Variants in PARD3B observed in about 807,000 individuals in gnomAD.
The protein encoded by PARD3B is par-3 family cell polarity regulator beta.
Under a neutral mutation model 130.2 loss-of-function variants are expected in PARD3B, and 103 were observed. The observed-to-expected ratio is 0.79, with a 90% CI of 0.67 to 0.93. PARD3B has a LOEUF of 0.93. Among genes scored for constraint, PARD3B ranks in the 40% least tolerant of loss-of-function variants. PARD3B has a pLI of 0.00. For synonymous variants in PARD3B, 583 were observed against 553.2 expected (o/e 1.05, Z -0.76); for missense variants, 1,609 against 1,499.2 (o/e 1.07, Z -1.21).
chr2:205,043,645 G>A (rs1698541218), intron 3 of PARD3B, among the ~76,000 whole-genome samples: 1 of 152,050 alleles, frequency 6.6e-6, no homozygotes, highest in Non-Finnish European at 1.5e-5. Context: ...TATGAAACTG[G>A]ATAGAGTTGT....
chr2:205,205,435 AT>A (rs1413231513), intron 15 of PARD3B, among the ~76,000 whole-genome samples: 1 of 151,998 alleles, frequency 6.6e-6, no homozygotes, highest in Non-Finnish European at 1.5e-5. Context: ...AATACCCTTT[AT>A]TTTTTTCTCT....
At chr2:205,399,057 T>G (rs1431977902) in intron 18 of PARD3B, among the ~76,000 whole-genome samples, 1 of 151,978 alleles carries the variant, frequency 6.6e-6, no homozygotes, top group Non-Finnish European at 1.5e-5. Context: ...TCAGCTGAGT[T>G]CAGGAGTTCA....
In PARD3B at chr2:204,636,453, A is replaced by AGTGTGTGTGT. The variant is rs10596741; in HGVS notation, c.121-49700_121-49691dup. On this transcript the variant is annotated intron_variant, in intron 1 of 22. Transcript: ENST00000406610. ...GAGCTAAGACTTTAGAGGTCAGGTG[A>AGTGTGTGTGT]GTGTGTGTGTGTGTGTGTGTGTGTG... 3.0e-3 allele frequency among the ~76,000 whole-genome samples: 420 copies of AGTGTGTGTGT among 139,480 alleles called. 3 individuals carry two copies. Among genetic ancestry groups the AGTGTGTGTGT allele is most frequent in the African/African-American group, 8.2e-3 (308 of 37,542 alleles). 91.5% of individuals were successfully genotyped at this position (139,480 alleles called of 152,430 possible).
At chr2:205,402,300 G>A (rs748701490) in intron 19 of PARD3B, among the ~76,000 whole-genome samples, 10 of 152,166 alleles carry the variant, frequency 6.6e-5, no homozygotes, top group Admixed American at 2.6e-4. Context: ...GATATTCTCC[G>A]TCATAACCTA....
intron 22 of PARD3B, among the ~76,000 whole-genome samples, chr2:205,598,655 C>G (rs908610392): frequency 6.6e-6 from 1 of 152,208 alleles, no homozygotes; most frequent in African/African-American, 2.4e-5. Flanking sequence ...CCAACAACCA[C>G]AGAATATGCA....
chr2:205,285,827 T>C (rs2041374656), intron 16 of PARD3B, among the ~76,000 whole-genome samples: 1 of 152,198 alleles, frequency 6.6e-6, no homozygotes, highest in Non-Finnish European at 1.5e-5. Flanking sequence ...TTCATGTAGA[T>C]TGCTTGTTCC....
intron 22 of PARD3B, among the ~76,000 whole-genome samples, chr2:205,588,381 C>G (rs1049664661): frequency 6.6e-6 from 1 of 152,198 alleles, no homozygotes; most frequent in Non-Finnish European, 1.5e-5. Flanking sequence ...ATTCTTTCCA[C>G]AGCACACTTT....
At chr2:205,476,303 A>AT (rs1489616235) in intron 20 of PARD3B, among the ~76,000 whole-genome samples, 1 of 152,070 alleles carries the variant, frequency 6.6e-6, no homozygotes, top group Non-Finnish European at 1.5e-5. Context: ...TTAATTTAAC[A>AT]TTTTTTCTAA....
chr2:205,133,486 C>T (rs1212884625), intron 10 of PARD3B, among the ~76,000 whole-genome samples: 1 of 152,072 alleles, frequency 6.6e-6, no homozygotes, highest in African/African-American at 2.4e-5. Flanking sequence ...TTGTAACAAG[C>T]CTTCCAGATA....
rs145587795 is a variant in PARD3B, at chr2:205,406,051, A to G, written c.2741+4928A>G. Among the ~76,000 whole-genome samples the G allele has an allele frequency of 2.5e-3, 377 of 152,304 alleles. 1 individual carries two copies. The highest frequency in any genetic ancestry group is 3.8e-3 in the Non-Finnish European group (259 of 68,026). On this transcript the variant is annotated intron_variant, in intron 19 of 22. Transcript: ENST00000406610. ...CTGGAATATCCCGTGCCTCTCTCTC[A>G]CACAGAGCATGCGGGTACTAAATCC... is the stretch of plus-strand genomic sequence containing the variant.
intron 15 of PARD3B, among the ~76,000 whole-genome samples, chr2:205,219,321 G>C (rs906861136): frequency 6.6e-6 from 1 of 152,200 alleles, no homozygotes; most frequent in Non-Finnish European, 1.5e-5. Context: ...GAGTTCACTA[G>C]AGTGTGTGAA....
chr2:205,557,661 G>T (rs576782368), intron 22 of PARD3B, among the ~76,000 whole-genome samples: 2 of 152,264 alleles, frequency 1.3e-5, no homozygotes, highest in African/African-American at 4.8e-5. Context: ...AATAGTGCCG[G>T]TATGAGTATT....
At chr2:204,871,197 G>C (rs896392893) in intron 2 of PARD3B, among the ~76,000 whole-genome samples, 1 of 151,972 alleles carries the variant, frequency 6.6e-6, no homozygotes, top group African/African-American at 2.4e-5. Flanking sequence ...GCATATTTTT[G>C]TGTTTTTACA....
chr2:204,904,279 A>G (rs2046968775), intron 2 of PARD3B, among the ~76,000 whole-genome samples: 1 of 152,212 alleles, frequency 6.6e-6, no homozygotes, highest in Non-Finnish European at 1.5e-5. Context: ...AATCACTGTT[A>G]AGCATGTTAA....
chr2:205,129,863 G>A (rs752591940), intron 10 of PARD3B, among the ~76,000 whole-genome samples: 10 of 152,114 alleles, frequency 6.6e-5, no homozygotes, highest in Non-Finnish European at 1.5e-4. Context: ...GAAGGCCATG[G>A]TATCCATTTC....
At chr2:204,591,695 C>G (rs957578651) in intron 1 of PARD3B, among the ~76,000 whole-genome samples, 19 of 152,166 alleles carry the variant, frequency 1.2e-4, no homozygotes, top group African/African-American at 4.6e-4. Context: ...GAAGGACAGA[C>G]AAGTTATAAA....
intron 4 of PARD3B, among the ~76,000 whole-genome samples, chr2:205,090,560 C>T (rs1204712562): frequency 6.6e-6 from 1 of 152,178 alleles, no homozygotes; most frequent in African/African-American, 2.4e-5. Flanking sequence ...CTGCAGTCAG[C>T]TTCACAATCA....
At chr2:204,573,024 T>A (rs1418484537) in intron 1 of PARD3B, among the ~76,000 whole-genome samples, 1 of 152,220 alleles carries the variant, frequency 6.6e-6, no homozygotes, top group Admixed American at 6.5e-5. Context: ...ATGTGATCTG[T>A]TAGCTAAAGC....
At chr2:204,842,062 C>T (rs80025939) in intron 2 of PARD3B, among the ~76,000 whole-genome samples, 2,958 of 152,148 alleles carry the variant, frequency 0.019, 77 homozygotes, top group East Asian at 0.15. Flanking sequence ...GACTAAAAAT[C>T]ATTTGAAAAT....
Sources: gnomAD v4.1 joint callset for allele counts (sites outside exome capture counted in the v4.1 genomes callset) on GRCh38, gnomAD v4.1.1 for gene constraint, MANE v1.5 for transcripts, NCBI Gene and HGNC (gene_info 2026-07-23, HGNC 2026-07-21) for gene names.